Variants in PCDH15 observed in about 807,000 individuals in gnomAD.
PCDH15 encodes protocadherin related 15.
In PCDH15, 129 loss-of-function variants were observed where a neutral mutation model predicts 178.5. The ratio of observed to expected loss-of-function variants is 0.72; its 90% CI spans 0.63 to 0.84. The LOEUF (loss-of-function observed/expected upper bound fraction) is 0.84. PCDH15 is among the 40% of genes least tolerant of loss of function. The pLI, the probability that PCDH15 is intolerant of heterozygous loss-of-function variation, is 0.00. For missense variants in PCDH15, 2,230 were observed against 2,099.9 expected (o/e 1.06, Z -1.21); for synonymous variants, 800 against 732.0 (o/e 1.09, Z -1.50).
chr10:55,253,319 A>G (rs1192385363), intron 1 of PCDH15, among the ~76,000 whole-genome samples: 1 of 151,978 alleles, frequency 6.6e-6, no homozygotes, highest in African/African-American at 2.4e-5. Flanking sequence ...TTTAGTAGAA[A>G]AACATATTTC....
At chr10:54,352,495 A>G (rs997021672) in intron 5 of PCDH15, among the ~76,000 whole-genome samples, 5 of 152,264 alleles carry the variant, frequency 3.3e-5, no homozygotes, top group East Asian at 3.9e-4. Flanking sequence ...ACCCAGGAAA[A>G]ATGGAGAATA....
intron 2 of PCDH15, among the ~76,000 whole-genome samples, chr10:54,965,443 G>A (rs770069048): frequency 4.6e-5 from 7 of 151,996 alleles, no homozygotes; most frequent in African/African-American, 1.2e-4. Context: ...TGTAAGACGC[G>A]TCTTTGCTCC....
At chr10:54,279,970 A>G (rs924450145) in intron 8 of PCDH15, among the ~76,000 whole-genome samples, 4 of 151,706 alleles carry the variant, frequency 2.6e-5, no homozygotes, top group Non-Finnish European at 5.9e-5. Context: ...CATGGCAGAA[A>G]GACATGTCCC....
At chr10:54,758,302 G>C (rs1180973822) in intron 1 of PCDH15, among the ~76,000 whole-genome samples, 3 of 152,122 alleles carry the variant, frequency 2.0e-5, no homozygotes, top group Non-Finnish European at 2.9e-5. Context: ...ATATTTTCCA[G>C]GCTATTAATG....
intron 2 of PCDH15, among the ~76,000 whole-genome samples, chr10:54,622,681 A>G (rs2093413363): frequency 1.0e-5 from 1 of 98,250 alleles, no homozygotes; most frequent in Non-Finnish European, 1.9e-5. Flanking sequence ...TATATAATAT[A>G]TATTATATAA....
chr10:54,226,876 T>A (rs549853960), intron 9 of PCDH15, among the ~76,000 whole-genome samples: 18 of 152,200 alleles, frequency 1.2e-4, no homozygotes, highest in Admixed American at 2.6e-4. Flanking sequence ...GAAAGTCAAA[T>A]CTTAAAGCTC....
intron 2 of PCDH15, among the ~76,000 whole-genome samples, chr10:55,150,025 A>C (rs1838654783): frequency 2.7e-5 from 4 of 147,804 alleles, no homozygotes; most frequent in Non-Finnish European, 6.0e-5. Flanking sequence ...GAGCAGAGAG[A>C]GAGAGATAAA....
intron 3 of PCDH15, among the ~76,000 whole-genome samples, chr10:54,875,102 T>G (rs1954115625): frequency 2.0e-5 from 3 of 152,190 alleles, no homozygotes; most frequent in Admixed American, 6.6e-5. Context: ...CAGTGCTATT[T>G]TTCGAACAGC....
chr10:55,620,961 CAT>C (rs1246012679), intron 2 of PCDH15, among the ~76,000 whole-genome samples: 6 of 151,546 alleles, frequency 4.0e-5, no homozygotes, highest in Admixed American at 2.6e-4. Flanking sequence ...AAGAACATAA[CAT>C]GTCATGCAAA....
intron 23 of PCDH15, among the ~76,000 whole-genome samples, chr10:53,956,215 AT>A (rs951742335): frequency 6.6e-6 from 1 of 152,174 alleles, no homozygotes; most frequent in Non-Finnish European, 1.5e-5. Context: ...TTAGTTCCAT[AT>A]TTTTTTGGCC....
chr10:53,850,107 T>C (rs2078260973), intron 28 of PCDH15, among the ~76,000 whole-genome samples: 1 of 152,008 alleles, frequency 6.6e-6, no homozygotes, highest in Non-Finnish European at 1.5e-5. Flanking sequence ...AAATAAAACC[T>C]TTTAACTCTC....
At chr10:53,979,655 T>C (rs182319008) in intron 21 of PCDH15, among the ~76,000 whole-genome samples, 5 of 152,302 alleles carry the variant, frequency 3.3e-5, no homozygotes, top group East Asian at 1.9e-4. Context: ...GGCCTCACAA[T>C]TGGACAGGTT....
chr10:55,406,481 G>C (rs775470862), intron 2 of PCDH15, among the ~76,000 whole-genome samples: 1 of 152,098 alleles, frequency 6.6e-6, no homozygotes, highest in Non-Finnish European at 1.5e-5. Context: ...TTACATATGA[G>C]AGACAAAAAG....
chr10:55,260,755 A>T (rs1842128519), intron 1 of PCDH15, among the ~76,000 whole-genome samples: 1 of 152,204 alleles, frequency 6.6e-6, no homozygotes, highest in Non-Finnish European at 1.5e-5. Context: ...AGTTCATCCT[A>T]CCTGTAGGGC....
At position 53,823,171 on chromosome 10, in the gene PCDH15, C is replaced by T. The variant is rs2132509071; in HGVS notation, c.4368-2941G>A. On this transcript the variant is annotated intron_variant, in intron 32 of 37. Coordinates refer to ENST00000644397, the MANE Select transcript of PCDH15 (RefSeq NM_001384140.1). ...GGATTATGGGCACTTAAGTCATCCT[C>T]ATCAGATAGAAATGTGAATTTTCTT... 2 of 1,614,032 alleles carry T rather than the reference C, an allele frequency of 1.2e-6. No homozygotes were observed. The highest frequency in any genetic ancestry group is 1.1e-5 in the South Asian group (1 of 91,084).
At chr10:54,454,149 A>G (rs1307988098) in intron 3 of PCDH15, among the ~76,000 whole-genome samples, 1 of 149,626 alleles carries the variant, frequency 6.7e-6, no homozygotes, top group Admixed American at 6.7e-5. Context: ...CACAAAATAG[A>G]TTTATATAGT....
chr10:54,926,248 T>C lies in PCDH15; in HGVS notation c.-79-28748A>G, dbSNP rs539752040. Among the ~76,000 whole-genome samples, 3 of 152,120 alleles carry C rather than the reference T, an allele frequency of 2.0e-5. No individual in the cohort carries two copies. In the East Asian group the frequency reaches 5.8e-4, roughly 29 times the overall value. On this transcript the variant is annotated intron_variant, in intron 2 of 5. Transcript: ENST00000458638. ...AGTTATTTTTATGTAATGACTTACA[T>C]GTATTGATTTGAGTATGTTGAACTA...
chr10:55,128,132 T>A lies in PCDH15; in HGVS notation c.-80+38444A>T, dbSNP rs534561227. Among the ~76,000 whole-genome samples, 5 of 152,194 alleles carry A rather than the reference T, an allele frequency of 3.3e-5. No homozygotes were observed. The South Asian group carries it at 8.3e-4, about 25-fold the overall frequency. On this transcript the variant is annotated intron_variant, in intron 2 of 5. Coordinates refer to the PCDH15 transcript ENST00000458638. The stretch of plus-strand genomic sequence containing the variant: ...TTTTATGATCTAACGCTGTCATACC[T>A]TGCCCTTGAAAGATGCACTAAGATT...
intron 15 of PCDH15, 149 bp from the exon 16 acceptor site, chr10:54,090,212 T>G: frequency 1.5e-6 from 1 of 668,238 alleles, no homozygotes; most frequent in Non-Finnish European, 2.6e-6. Context: ...TGGCAAGGTG[T>G]AAAATCAAAC....
Sources: gnomAD v4.1 joint callset for allele counts (sites outside exome capture counted in the v4.1 genomes callset) on GRCh38, gnomAD v4.1.1 for gene constraint, MANE v1.5 for transcripts, NCBI Gene and HGNC (gene_info 2026-07-23, HGNC 2026-07-21) for gene names.